BMPER: variants seen among roughly 807,000 people sequenced by gnomAD.
The protein encoded by BMPER is BMP binding endothelial regulator, also known as BMP-binding endothelial regulator protein.
BMPER carries 45 observed loss-of-function variants against 87.3 expected under a neutral mutation model. That is an observed-to-expected ratio of 0.52 (90% confidence interval 0.41 to 0.66). The LOEUF (loss-of-function observed/expected upper bound fraction) is 0.66, where lower values mean the gene tolerates loss of function less well. BMPER is among the 30% of genes least tolerant of loss of function. The pLI, the probability that BMPER is intolerant of heterozygous loss-of-function variation, is 0.00. For synonymous variants in BMPER, 326 were observed against 316.2 expected (o/e 1.03, Z -0.33); for missense variants, 784 against 867.5 (o/e 0.90, Z 1.21).
At chr7:34,145,842 A>G (rs1791002807) in intron 14 of BMPER, among the ~76,000 whole-genome samples, 1 of 152,110 alleles carries the variant, frequency 6.6e-6, no homozygotes. Context: ...AGGACTACAC[A>G]TTTCATGTCA....
chr7:34,095,885 T>C (rs1789516413), intron 13 of BMPER, among the ~76,000 whole-genome samples: 1 of 152,224 alleles, frequency 6.6e-6, no homozygotes, highest in Non-Finnish European at 1.5e-5. Context: ...GGAGAGTAAG[T>C]GACAGTGGCC....
chr7:33,970,716 C>A (rs2128618740), intron 5 of BMPER, among the ~76,000 whole-genome samples: 1 of 152,288 alleles, frequency 6.6e-6, no homozygotes, highest in Non-Finnish European at 1.5e-5. Flanking sequence ...CTTTCTCTGG[C>A]TTCCAGAGAT....
At chr7:33,999,551 G>GA (rs1302355525) in intron 6 of BMPER, among the ~76,000 whole-genome samples, 1 of 152,194 alleles carries the variant, frequency 6.6e-6, no homozygotes, top group Admixed American at 6.5e-5. Flanking sequence ...CACAACTTCT[G>GA]AATTTATTCA....
intron 6 of BMPER, among the ~76,000 whole-genome samples, chr7:33,984,255 C>T (rs1000651286): frequency 6.6e-6 from 1 of 152,046 alleles, no homozygotes; most frequent in Non-Finnish European, 1.5e-5. Context: ...ATCACGAGGT[C>T]AGGAGTTCAA....
chr7:33,994,164 G>A (rs1253006280), intron 6 of BMPER, among the ~76,000 whole-genome samples: 1 of 152,226 alleles, frequency 6.6e-6, no homozygotes, highest in Non-Finnish European at 1.5e-5. Context: ...CGAGCTTCCA[G>A]GCTGCTTTGT....
intron 2 of BMPER, among the ~76,000 whole-genome samples, chr7:33,923,041 T>C (rs1333409368): frequency 6.6e-6 from 1 of 152,098 alleles, no homozygotes; most frequent in Non-Finnish European, 1.5e-5. Flanking sequence ...GGTTGTGGGG[T>C]CTTGGCTTCT....
At chr7:33,990,121 A>G (rs1430401993) in intron 6 of BMPER, among the ~76,000 whole-genome samples, 1 of 148,202 alleles carries the variant, frequency 6.7e-6, no homozygotes, top group Admixed American at 7.0e-5. Flanking sequence ...TGCCATATGA[A>G]CTTTAAAGTA....
At chr7:34,146,784 C>A (rs1294575860) in intron 14 of BMPER, among the ~76,000 whole-genome samples, 1 of 152,114 alleles carries the variant, frequency 6.6e-6, no homozygotes, top group Non-Finnish European at 1.5e-5. Context: ...CACAGAGACC[C>A]AAGAGCACTG....
intron 13 of BMPER, among the ~76,000 whole-genome samples, chr7:34,139,969 G>A (rs1790821260): frequency 1.3e-5 from 2 of 152,132 alleles, no homozygotes; most frequent in African/African-American, 2.4e-5. Context: ...TCATCAGAGA[G>A]TAAGAACCTT....
chr7:34,150,859 C>T (rs544032319), intron 14 of BMPER, among the ~76,000 whole-genome samples: 12 of 152,080 alleles, frequency 7.9e-5, no homozygotes, highest in African/African-American at 2.2e-4. Flanking sequence ...GTGTATGTAG[C>T]GAGAGAGAGA....
chr7:34,134,325 C>T (rs1459582069), intron 13 of BMPER, among the ~76,000 whole-genome samples: 1 of 152,130 alleles, frequency 6.6e-6, no homozygotes, highest in African/African-American at 2.4e-5. Context: ...GATTTAGAAG[C>T]AAATGCTGGA....
At chr7:34,060,115 C>G (rs1788396921) in intron 10 of BMPER, among the ~76,000 whole-genome samples, 1 of 152,020 alleles carries the variant, frequency 6.6e-6, no homozygotes, top group Non-Finnish European at 1.5e-5. Flanking sequence ...GCAGCATGAC[C>G]AGAGTCTTAC....
At chr7:33,949,138 C>A (rs1335843745) in intron 3 of BMPER, among the ~76,000 whole-genome samples, 2 of 152,082 alleles carry the variant, frequency 1.3e-5, no homozygotes. Flanking sequence ...TCTGGGAACC[C>A]TCAACTCAAT....
intron 13 of BMPER, among the ~76,000 whole-genome samples, chr7:34,135,975 T>C (rs139440525): frequency 6.6e-6 from 1 of 152,160 alleles, no homozygotes; most frequent in Non-Finnish European, 1.5e-5. Context: ...TCCTGCCCTG[T>C]CTCCCCAGAT....
At chr7:34,088,464 C>T (rs903327330) in intron 13 of BMPER, among the ~76,000 whole-genome samples, 5 of 152,194 alleles carry the variant, frequency 3.3e-5, no homozygotes, top group Admixed American at 3.3e-4. Context: ...GAAAGATATT[C>T]TCTTCTCAGT....
At position 34,031,724 on chromosome 7, in the gene BMPER, G is replaced by A. The variant is rs75762737; in HGVS notation, c.577-14582G>A. The stretch of plus-strand genomic sequence containing the variant: ...ACTTATAGAGCAAGCACTGTGCTGG[G>A]CACTTTAAGCACATTGTTGCATATA... On this transcript the variant is annotated intron_variant, in intron 6 of 14. Transcript: ENST00000649409. Among the ~76,000 whole-genome samples the A allele has an allele frequency of 9.7e-3, 1,472 of 151,566 alleles. 24 individuals carry two copies. Among genetic ancestry groups the A allele is most frequent in the African/African-American group, 0.03 (1,232 of 41,334 alleles).
intron 2 of BMPER, among the ~76,000 whole-genome samples, chr7:33,915,534 A>G (rs192143513): frequency 3.1e-4 from 47 of 152,212 alleles, no homozygotes; most frequent in Admixed American, 2.4e-3. Context: ...GTCTGAATGT[A>G]TGGGTTTGAG....
At chr7:34,008,881 G>C (rs752415740) in intron 6 of BMPER, among the ~76,000 whole-genome samples, 4 of 151,630 alleles carry the variant, frequency 2.6e-5, no homozygotes, top group Non-Finnish European at 5.9e-5. Context: ...TCACTCTGTT[G>C]CTGAGGCTGC....
intron 3 of BMPER, among the ~76,000 whole-genome samples, chr7:33,959,975 A>G (rs925552561): frequency 1.3e-5 from 2 of 152,192 alleles, no homozygotes; most frequent in Non-Finnish European, 2.9e-5. Context: ...ATTTCTGCAT[A>G]TTTGGGGTTT....
Sources: gnomAD v4.1 joint callset for allele counts (sites outside exome capture counted in the v4.1 genomes callset) on GRCh38, gnomAD v4.1.1 for gene constraint, MANE v1.5 for transcripts, NCBI Gene and HGNC (gene_info 2026-07-23, HGNC 2026-07-21) for gene names.